The following COX10 variants were observed in gnomAD, a reference collection of about 807,000 sequenced individuals.
The protein encoded by COX10 is cytochrome c oxidase assembly factor heme A:farnesyltransferase COX10, also known as protoheme IX farnesyltransferase, mitochondrial.
In COX10, 27 loss-of-function variants were observed where a neutral mutation model predicts 37.3. That is an observed-to-expected ratio of 0.72 (90% CI 0.53 to 1.00). COX10 has a LOEUF of 1.00. Among genes scored for constraint, COX10 ranks in the 50% least tolerant of loss-of-function variants. COX10 has a pLI of 0.00. For synonymous variants in COX10, 222 were observed against 229.1 expected, an observed-to-expected ratio of 0.97 and a Z score of 0.28; for missense variants, 475 against 563.2, an observed-to-expected ratio of 0.84 and a Z score of 1.59.
At chr17:14,206,405 T>C (rs192200911) in intron 6 of COX10, among the ~76,000 whole-genome samples, 28 of 152,264 alleles carry the variant, frequency 1.8e-4, no homozygotes, top group African/African-American at 6.7e-4. Flanking sequence ...AGATACTGAA[T>C]TCCCTACAAG....
chr17:14,166,240 C>T (rs1905279978), intron 5 of COX10, among the ~76,000 whole-genome samples: 1 of 152,202 alleles, frequency 6.6e-6, no homozygotes, highest in South Asian at 2.1e-4. Context: ...CAATGCCTCA[C>T]TTCAAAACTT....
chr17:14,206,367 T>G (rs1357725477), intron 6 of COX10, among the ~76,000 whole-genome samples: 1 of 152,096 alleles, frequency 6.6e-6, no homozygotes, highest in Admixed American at 6.5e-5. Context: ...TCCAGCACAA[T>G]GGTTGCACCC....
chr17:14,072,734 C>T (rs1490975544), intron 1 of COX10, among the ~76,000 whole-genome samples: 1 of 152,208 alleles, frequency 6.6e-6, no homozygotes, highest in African/African-American at 2.4e-5. Context: ...TATCTCCAGT[C>T]TAAGAAAATT....
chr17:14,077,166 T>C (rs1196489706), intron 3 of COX10, 110 bp downstream of exon 3: 16 of 1,009,730 alleles, frequency 1.6e-5, no homozygotes, highest in Non-Finnish European at 2.3e-5. Flanking sequence ...GCAGGTCCTG[T>C]CTTAGTATTT....
At chr17:14,123,599 A>T (rs1431726078) in intron 4 of COX10, among the ~76,000 whole-genome samples, 1 of 152,226 alleles carries the variant, frequency 6.6e-6, no homozygotes, top group Non-Finnish European at 1.5e-5. Context: ...GGCAGTTTGT[A>T]ATGAAAGCCA....
intron 3 of COX10, among the ~76,000 whole-genome samples, chr17:14,100,632 G>T (rs1018239478): frequency 1.8e-4 from 27 of 152,196 alleles, no homozygotes; most frequent in African/African-American, 6.3e-4. Flanking sequence ...CTCATGAATG[G>T]ATAATAGTGA....
At chr17:14,179,196 G>C (rs112098247) in intron 5 of COX10, 3 of 975,926 alleles carry the variant, frequency 3.1e-6, no homozygotes, top group African/African-American at 1.8e-5. Flanking sequence ...TGTTCTCCTT[G>C]TTTTCAGAGA....
At chr17:14,126,008 T>A (rs1216778541) in intron 4 of COX10, among the ~76,000 whole-genome samples, 2 of 152,160 alleles carry the variant, frequency 1.3e-5, no homozygotes, top group African/African-American at 2.4e-5. Flanking sequence ...GAGAACTCTC[T>A]CTGGGATAGT....
At chr17:14,099,229 T>C (rs1326426873) in intron 3 of COX10, among the ~76,000 whole-genome samples, 1 of 152,042 alleles carries the variant, frequency 6.6e-6, no homozygotes, top group Admixed American at 6.6e-5. Context: ...AACAACTGAG[T>C]TAAAGGAAGG....
At chr17:14,149,165 A>T (rs1904819432) in intron 4 of COX10, among the ~76,000 whole-genome samples, 1 of 151,828 alleles carries the variant, frequency 6.6e-6, no homozygotes, top group Non-Finnish European at 1.5e-5. Context: ...GGAGAAAAAG[A>T]AAGATCCATT....
intron 5 of COX10, among the ~76,000 whole-genome samples, chr17:14,164,505 T>G (rs1417554001): frequency 6.6e-6 from 1 of 152,268 alleles, no homozygotes; most frequent in Non-Finnish European, 1.5e-5. Flanking sequence ...GAAATATCTT[T>G]TAAAGAATTT....
At chr17:14,200,223 T>C (rs1261269114) in intron 6 of COX10, among the ~76,000 whole-genome samples, 1 of 152,126 alleles carries the variant, frequency 6.6e-6, no homozygotes, top group Non-Finnish European at 1.5e-5. Context: ...TCCATTCCAT[T>C]CAGATACCAT....
At chr17:14,122,064 G>A (rs933455828) in intron 4 of COX10, among the ~76,000 whole-genome samples, 2 of 152,236 alleles carry the variant, frequency 1.3e-5, no homozygotes, top group African/African-American at 4.8e-5. Flanking sequence ...TCTGTAGGCA[G>A]TAGGGAGCCA....
At chr17:14,190,889 G>C (rs1480188603) in intron 5 of COX10, among the ~76,000 whole-genome samples, 3 of 152,078 alleles carry the variant, frequency 2.0e-5, no homozygotes, top group Non-Finnish European at 2.9e-5. Flanking sequence ...TGTGCACATA[G>C]GGTAAAGTCT....
rs769141192 is a variant in COX10 at position 14,069,581 on chromosome 17, G to A, written c.-25G>A. On this transcript the variant is annotated 5_prime_UTR_variant, in exon 1 of 7. Transcript: ENST00000261643. ...GAGGAGAGAGGACACAGGGATCCCG[G>A]GGAGCGGCCCCAGACTCGTAAATTA... 27 of 1,613,698 alleles carry A rather than the reference G, an allele frequency of 1.7e-5. No individual in the cohort carries two copies. The highest frequency in any genetic ancestry group is 6.6e-5 in the South Asian group (6 of 91,024).
At chr17:14,132,751 C>T (rs908246589) in intron 4 of COX10, among the ~76,000 whole-genome samples, 3 of 151,414 alleles carry the variant, frequency 2.0e-5, no homozygotes, top group East Asian at 1.9e-4. Flanking sequence ...TCAAAGAATA[C>T]CCCTGCTTAT....
intron 4 of COX10, among the ~76,000 whole-genome samples, chr17:14,114,886 A>T (rs1444680521): frequency 6.6e-6 from 1 of 152,084 alleles, no homozygotes; most frequent in Non-Finnish European, 1.5e-5. Context: ...ATAGGGCTTA[A>T]TTTAATCTTT....
At chr17:14,095,214 TAGG>T (rs1032670056) in intron 3 of COX10, among the ~76,000 whole-genome samples, 8 of 152,240 alleles carry the variant, frequency 5.3e-5, no homozygotes, top group Non-Finnish European at 1.0e-4. Flanking sequence ...GGATTTACAT[TAGG>T]AGAGAAATTA....
At chr17:14,170,744 G>A (rs941451345) in intron 5 of COX10, among the ~76,000 whole-genome samples, 2 of 152,152 alleles carry the variant, frequency 1.3e-5, no homozygotes, top group African/African-American at 2.4e-5. Flanking sequence ...TTGAGCCCTG[G>A]ATTTGGAGGT....
Sources: gnomAD v4.1 joint callset for allele counts (sites outside exome capture counted in the v4.1 genomes callset) on GRCh38, gnomAD v4.1.1 for gene constraint, MANE v1.5 for transcripts, NCBI Gene and HGNC (gene_info 2026-07-23, HGNC 2026-07-21) for gene names.